USP11: variants seen among roughly 807,000 people sequenced by gnomAD.
USP11 encodes the protein ubiquitin carboxyl-terminal hydrolase 11.
Under a neutral mutation model 72.8 loss-of-function variants are expected in USP11, and 5 were observed. The observed-to-expected ratio is 0.07, with a 90% CI of 0.04 to 0.14. The LOEUF is 0.14. Among genes scored for constraint, USP11 ranks in the 10% least tolerant of loss-of-function variants. The pLI is 1.00. For synonymous variants in USP11, 368 were observed against 326.5 expected (o/e 1.13, Z -1.37); for missense variants, 480 against 794.7 (o/e 0.60, Z 4.76).
Position 47,239,082 on chromosome X carries a change from G to A in USP11, c.189G>A (p.Glu63=). ...LRAGESWFLV[E]KHWYKQWEAY... is the part of the protein sequence containing the mutation. ...GTCTGGGCCCCAGGTTCCTTGTGGA[G>A]AAGCACTGGTATAAGCAGTGGGAGG... is the stretch of plus-strand genomic sequence containing the variant. The change falls in exon 2 of 21, where the codon GAG becomes GAA. Residue 63 remains glutamate, a synonymous_variant. Coordinates refer to ENST00000377107, the MANE Select transcript of USP11 (RefSeq NM_001371072.1). The A allele has an allele frequency of 1.7e-6, 2 of 1,209,504 alleles. No individual in the cohort carries two copies. Among genetic ancestry groups the A allele is most frequent in the Non-Finnish European group, 2.2e-6 (2 of 894,265 alleles).
intron 1 of USP11, chrX:47,233,546 A>G (rs2055356338): frequency 2.2e-6 from 2 of 896,612 alleles, no homozygotes; most frequent in Admixed American, 5.9e-5. Context: ...GGGTTCTGCT[A>G]CATAAGGCGG....
In USP11 at chrX:47,244,573, G is replaced by A. The variant is rs767661311; in HGVS notation, c.1843+23G>A. 11 of 1,210,508 alleles carry A rather than the reference G, an allele frequency of 9.1e-6. No homozygotes were observed. The Admixed American group carries it at 2.2e-4, about 24-fold the overall frequency. ...AAGGTGAGGGGGCTAACAGTCAGTG[G>A]GCGGGGGCTCTGGGTTAGGTCTGAC... On this transcript the variant is annotated intron_variant, in intron 14 of 20. Coordinates refer to ENST00000377107, the MANE Select transcript of USP11 (RefSeq NM_001371072.1).
chrX:47,239,314 TGA>T, intron 2 of USP11, 35 bp from the exon 3 acceptor site: 1 of 1,202,936 alleles, frequency 8.3e-7, no homozygotes, highest in Non-Finnish European at 1.1e-6. Context: ...TTTCCTTTGT[TGA>T]TTCTTCCTCT....
chrX:47,240,220 C>T (rs879156010), intron 4 of USP11, 85 bp from the exon 5 acceptor site: 3 of 1,137,458 alleles, frequency 2.6e-6, no homozygotes, highest in East Asian at 3.2e-5. Flanking sequence ...ATGTGAGGTC[C>T]GTAGGGATGA....
chrX:47,245,962 TC>T (rs2055430704), intron 17 of USP11, among the ~76,000 whole-genome samples: 1 of 111,501 alleles, frequency 9.0e-6, no homozygotes, highest in South Asian at 3.8e-4. Context: ...CCTGTGCTGT[TC>T]CTTCTCCAGG....
intron 14 of USP11, 36 bp from the exon 15 acceptor site, chrX:47,244,646 T>C: frequency 8.3e-7 from 1 of 1,205,907 alleles, no homozygotes; most frequent in African/African-American, 1.7e-5. Flanking sequence ...CACTTGAGGC[T>C]CACACCTTCC....
At chrX:47,239,034 C>T in intron 1 of USP11, 36 bp from the exon 2 acceptor site, 1 of 1,092,316 alleles carries the variant, frequency 9.2e-7, no homozygotes. Context: ...CCCTCAGCTA[C>T]CCATGTAACA....
chrX:47,246,933 A>C, intron 17 of USP11, 139 bp from the exon 18 acceptor site: 1 of 785,096 alleles, frequency 1.3e-6, no homozygotes, highest in Non-Finnish European at 1.8e-6. Context: ...AGGCAGGAGA[A>C]TCGCTTGAAC....
Position 47,247,915 on chromosome X carries a change from C to T in USP11, c.2748C>T (p.Phe916=), listed in dbSNP as rs757577797. The change falls in exon 21 of 21, where the codon TTC becomes TTT. Residue 916 remains phenylalanine (F), a synonymous_variant. Coordinates refer to ENST00000377107, the MANE Select transcript of USP11 (RefSeq NM_001371072.1). The stretch of plus-strand genomic sequence containing the variant: ...GCAGCTCCCCACCCAGCTCTGAGTT[C>T]ATGGATGTTAATTGAGAGCCCTGGG... ...PACSSPPSSE[F]MDVN 2.5e-6 allele frequency: 3 copies of T among 1,180,596 alleles called. No homozygotes were observed. Among genetic ancestry groups the T allele is most frequent in the Non-Finnish European group, 3.4e-6 (3 of 885,744 alleles).
Position 47,233,060 on chromosome X carries a change from C to G in USP11, c.17C>G (p.Ala6Gly). The change falls in exon 1 of 21, where the codon GCA becomes GGA. Residue 6 changes from alanine (A) to glycine (G), a missense_variant. Transcript: ENST00000377107. MATVA[A>G]NPAAAAAAVA... ...CGGACGGCGATGGCGACGGTCGCAG[C>G]AAATCCAGCTGCTGCTGCGGCGGCT... 3.3e-6 allele frequency: 4 copies of G among 1,210,214 alleles called. No individual in the cohort carries two copies. The highest frequency in any genetic ancestry group is 4.5e-6 in the Non-Finnish European group (4 of 894,607).
chrX:47,240,595 C>A lies in USP11; in HGVS notation c.690C>A (p.Ile230=), dbSNP rs1239796174. 8.3e-7 allele frequency: 1 copy of A among 1,211,911 alleles called. No homozygotes were observed. Among genetic ancestry groups the A allele is most frequent in the Admixed American group, 2.2e-5 (1 of 46,061 alleles). The part of the protein sequence containing the change: ...DAALETGQLI[I]METRKKDGTW... ...CTCTTTCTCCAACCCAGTTGATCATCATGGAGACCCGCAAGAAAGATGGCA... is the reference window on the plus strand; with the variant it reads ...CTCTTTCTCCAACCCAGTTGATCATAATGGAGACCCGCAAGAAAGATGGCA... The change falls in exon 6 of 21, where the codon ATC becomes ATA. Residue 230 remains isoleucine (I), a synonymous_variant. Transcript: ENST00000377107.
intron 1 of USP11, among the ~76,000 whole-genome samples, chrX:47,238,685 T>C (rs900626039): frequency 1.2e-4 from 13 of 110,968 alleles, no homozygotes; most frequent in Non-Finnish European, 2.5e-4. Context: ...TAAAGCCTTA[T>C]AAAATTAGCT....
chrX:47,240,917 G>C (rs753020619), intron 7 of USP11, 41 bp downstream of exon 7: 2 of 1,151,818 alleles, frequency 1.7e-6, no homozygotes, highest in Non-Finnish European at 2.3e-6. Context: ...CCACGTGGTT[G>C]GGCTTCAAGA....
chrX:47,239,535 T>C, intron 3 of USP11, 54 bp downstream of exon 3: 1 of 1,200,836 alleles, frequency 8.3e-7, no homozygotes. Context: ...GAAAGCCTTG[T>C]AGGCCCAGCA....
chrX:47,240,555 T>TA, intron 5 of USP11, 32 bp from the exon 6 acceptor site: 1 of 1,211,197 alleles, frequency 8.3e-7, no homozygotes, highest in Non-Finnish European at 1.1e-6. Context: ...CCTCCATTAA[T>TA]ACCTTTCCTT....
chrX:47,240,710 C>T, intron 6 of USP11, 62 bp downstream of exon 6: 5 of 1,204,005 alleles, frequency 4.2e-6, no homozygotes, highest in Non-Finnish European at 5.6e-6. Context: ...AATGATTTAG[C>T]CCATGAGCAC....
At chrX:47,241,201 G>T in intron 7 of USP11, 76 bp from the exon 8 acceptor site, 1 of 1,058,657 alleles carries the variant, frequency 9.4e-7, no homozygotes, top group Non-Finnish European at 1.3e-6. Context: ...TTTCCTCCTG[G>T]CTTCTTTTTG....
chrX:47,243,620 CGGGGGTGG>C lies in USP11; in HGVS notation c.1790+23_1790+30del. ...CGGCTCTCGTAAGTGTCCTCTTCCC[CGGGGGTGG>C]GGGGCGGAGGGGTCTGAACTCCGAC... On this transcript the variant is annotated intron_variant, in intron 13 of 20. Transcript: ENST00000377107. 8.3e-7 allele frequency: 1 copy of C among 1,205,893 alleles called. No individual in the cohort carries two copies. The highest frequency in any genetic ancestry group is 1.1e-6 in the Non-Finnish European group (1 of 891,343).
In USP11 at chrX:47,247,059, G is replaced by A; in HGVS notation, c.2271-13G>A. On this transcript the variant is annotated splice_polypyrimidine_tract_variant and intron_variant, in intron 17 of 20. Transcript: ENST00000377107. ...AGAAAAAGTCCGTTTGCTGACTCGG[G>A]CTCTGTCTGTAGGTACTGCCCTTCC... 1.7e-6 allele frequency: 2 copies of A among 1,192,844 alleles called. No individual in the cohort carries two copies. The highest frequency in any genetic ancestry group is 2.2e-6 in the Non-Finnish European group (2 of 889,171).
Sources: gnomAD v4.1 joint callset for allele counts (sites outside exome capture counted in the v4.1 genomes callset) on GRCh38, gnomAD v4.1.1 for gene constraint, MANE v1.5 for transcripts, NCBI Gene and HGNC (gene_info 2026-07-23, HGNC 2026-07-21) for gene names.